Variants in MIPEP observed in about 807,000 individuals in gnomAD.
MIPEP encodes mitochondrial intermediate peptidase.
In MIPEP, 79 loss-of-function variants were observed where a neutral mutation model predicts 90.3. That is an observed-to-expected ratio of 0.87 (90% CI 0.73 to 1.05). The LOEUF (loss-of-function observed/expected upper bound fraction) is 1.05, where lower values mean the gene tolerates loss of function less well. MIPEP is among the 50% of genes least tolerant of loss of function. MIPEP has a pLI of 0.00. For missense variants in MIPEP, 940 were observed against 905.6 expected (o/e 1.04, Z -0.49); for synonymous variants, 334 against 315.8 (o/e 1.06, Z -0.61).
chr13:23,756,386 C>A, intron 18 of MIPEP, 159 bp downstream of exon 18: 1 of 681,796 alleles, frequency 1.5e-6, no homozygotes. Context: ...AACTCCTGAC[C>A]TCAGGTGATC....
At chr13:23,731,377 T>A (rs762255110) in intron 18 of MIPEP, among the ~76,000 whole-genome samples, 13 of 152,190 alleles carry the variant, frequency 8.5e-5, no homozygotes, top group Non-Finnish European at 1.6e-4. Context: ...GTCATGGGCA[T>A]ACAGGTGGGC....
In MIPEP at chr13:23,806,690, AAAC is replaced by A. The variant is rs1014913483; in HGVS notation, c.1729-624_1729-622del. On this transcript the variant is annotated intron_variant, in intron 15 of 18. Transcript: ENST00000382172. ...GTCTCAAAAAAAAAAACCAAACAAA[AAAC>A]AACAACAACAACAAAAAAATCTATA... is the stretch of plus-strand genomic sequence containing the variant. Among the ~76,000 whole-genome samples the A allele has an allele frequency of 9.3e-5, 14 of 151,104 alleles. 1 individual carries two copies. The highest frequency in any genetic ancestry group is 8.4e-4 in the South Asian group (4 of 4,764).
At chr13:23,774,756 G>A (rs1275536173) in intron 16 of MIPEP, among the ~76,000 whole-genome samples, 1 of 146,294 alleles carries the variant, frequency 6.8e-6, no homozygotes, top group Non-Finnish European at 1.5e-5. Context: ...CTCATACCAT[G>A]CAACCCTGCT....
intron 16 of MIPEP, among the ~76,000 whole-genome samples, chr13:23,789,238 A>G (rs1188713218): frequency 6.6e-6 from 1 of 152,202 alleles, no homozygotes; most frequent in Admixed American, 6.5e-5. Context: ...TTGCCAGTAC[A>G]TTTTATTCAT....
chr13:23,846,873 T>A (rs1241997199), intron 10 of MIPEP, among the ~76,000 whole-genome samples: 2 of 152,174 alleles, frequency 1.3e-5, no homozygotes, highest in Non-Finnish European at 2.9e-5. Context: ...ATTTGGTGAG[T>A]ACTCACTATG....
chr13:23,817,213 TCAAAC>T (rs909023317), intron 14 of MIPEP, among the ~76,000 whole-genome samples: 32 of 152,200 alleles, frequency 2.1e-4, no homozygotes, highest in African/African-American at 7.5e-4. Flanking sequence ...AGGAGAAAAA[TCAAAC>T]CAAACCAAAC....
In MIPEP at chr13:23,787,405, GGAGAGA is replaced by G. The variant is rs59011010; in HGVS notation, c.1848+18539_1848+18544del. On this transcript the variant is annotated intron_variant, in intron 16 of 18. Coordinates refer to ENST00000382172, the MANE Select transcript of MIPEP (RefSeq NM_005932.4). Reference sequence around the variant, plus strand: ...GAGCAAGAGCAAGAGACGGGGAGAGGGAGAGAGAGAGAGAGAGAGAGAAGACAGAGA... The same window carrying G: ...GAGCAAGAGCAAGAGACGGGGAGAGGGAGAGAGAGAGAGAGAAGACAGAGA... Among the ~76,000 whole-genome samples, 8 of 137,048 alleles carry G rather than the reference GGAGAGA, an allele frequency of 5.8e-5. No homozygotes were observed. The Middle Eastern group carries it at 0.011, about 193-fold the overall frequency. 89.9% of individuals were successfully genotyped at this position (137,048 alleles called of 152,430 possible).
chr13:23,747,113 G>A (rs1176615241), intron 18 of MIPEP, among the ~76,000 whole-genome samples: 1 of 152,206 alleles, frequency 6.6e-6, no homozygotes, highest in Non-Finnish European at 1.5e-5. Context: ...GACTATGCCA[G>A]AGAATGGCTC....
intron 5 of MIPEP, among the ~76,000 whole-genome samples, chr13:23,871,252 T>C (rs909918088): frequency 6.6e-6 from 1 of 152,204 alleles, no homozygotes; most frequent in Non-Finnish European, 1.5e-5. Context: ...TGCAGTCATA[T>C]CTTTGTAATA....
intron 16 of MIPEP, among the ~76,000 whole-genome samples, chr13:23,769,878 G>A (rs1313711755): frequency 6.6e-6 from 1 of 152,218 alleles, no homozygotes; most frequent in East Asian, 1.9e-4. Context: ...GACTATCATG[G>A]GAGTGGGACT....
chr13:23,802,292 T>A (rs916016579), intron 16 of MIPEP, among the ~76,000 whole-genome samples: 7 of 152,186 alleles, frequency 4.6e-5, no homozygotes, highest in Non-Finnish European at 2.9e-5. Context: ...CCTTTTCCAA[T>A]GGCCGGGCAT....
chr13:23,840,936 A>T (rs1593184427), intron 11 of MIPEP, among the ~76,000 whole-genome samples: 1 of 152,220 alleles, frequency 6.6e-6, no homozygotes, highest in East Asian at 1.9e-4. Flanking sequence ...TGCAAATATA[A>T]GCCCCTACAA....
intron 10 of MIPEP, among the ~76,000 whole-genome samples, chr13:23,845,907 TCTC>T (rs1235851263): frequency 6.6e-6 from 1 of 151,948 alleles, no homozygotes; most frequent in Non-Finnish European, 1.5e-5. Context: ...TCTGGTGGTT[TCTC>T]TATTGTTTTT....
chr13:23,839,498 A>C, intron 12 of MIPEP, 151 bp downstream of exon 12: 1 of 453,886 alleles, frequency 2.2e-6, no homozygotes. Flanking sequence ...TTAATTTTAA[A>C]ATTCTATCTT....
At chr13:23,746,320 G>C (rs1243368282) in intron 18 of MIPEP, among the ~76,000 whole-genome samples, 3 of 151,208 alleles carry the variant, frequency 2.0e-5, no homozygotes, top group Non-Finnish European at 2.9e-5. Flanking sequence ...GGCCAGAACA[G>C]TTTTAACCAT....
chr13:23,841,458 C>T lies in MIPEP; in HGVS notation c.1137G>A (p.Pro379=), dbSNP rs183255758. Residue 379 remains proline, a synonymous_variant, in exon 11 of 19, where the codon CCG becomes CCA. Transcript: ENST00000382172. ...CCATGCATGCTCCAAGAGAGAAAAA[C>T]GGGCAATATAGGCTGGGCTCAATAT... ...RYNIEPSLYC[P]FFSLGACMEG... 2.6e-5 allele frequency: 42 copies of T among 1,613,596 alleles called. No homozygotes were observed. The highest frequency in any genetic ancestry group is 4.5e-5 in the East Asian group (2 of 44,850).
chr13:23,806,622 G>C (rs1208779431), intron 15 of MIPEP, among the ~76,000 whole-genome samples: 1 of 151,796 alleles, frequency 6.6e-6, no homozygotes, highest in Non-Finnish European at 1.5e-5. Flanking sequence ...AGCTCGCAGT[G>C]AGCCGAGATT....
intron 16 of MIPEP, among the ~76,000 whole-genome samples, chr13:23,797,983 T>C (rs1169530015): frequency 6.6e-6 from 1 of 152,258 alleles, no homozygotes; most frequent in Non-Finnish European, 1.5e-5. Flanking sequence ...AAAGGCTATT[T>C]CGAATACAGG....
intron 14 of MIPEP, among the ~76,000 whole-genome samples, chr13:23,825,554 GA>G (rs1372170852): frequency 6.6e-6 from 1 of 152,190 alleles, no homozygotes; most frequent in Non-Finnish European, 1.5e-5. Context: ...TCCATTTTAT[GA>G]GACACATTGT....
Sources: allele counts gnomAD v4.1 joint callset (sites outside exome capture counted in the v4.1 genomes callset), GRCh38; gene constraint gnomAD v4.1.1; transcripts MANE v1.5; gene names NCBI Gene and HGNC (gene_info 2026-07-23, HGNC 2026-07-21).